PRIM2: variants seen among roughly 807,000 people sequenced by gnomAD.
PRIM2 encodes the protein DNA primase subunit 2, also known as DNA primase large subunit.
Under a neutral mutation model 67.3 loss-of-function variants are expected in PRIM2, and 39 were observed. That is an observed-to-expected ratio of 0.58 (90% confidence interval 0.45 to 0.76). PRIM2 has a LOEUF of 0.76. Ranked by LOEUF, PRIM2 falls within the 30% of genes least tolerant of loss-of-function variation. The probability of loss-of-function intolerance (pLI) is 0.00; values close to 1 mark genes in which losing one functional copy is unlikely to be tolerated. For missense variants in PRIM2, 398 were observed against 598.7 expected (o/e 0.66, Z 3.50); for synonymous variants, 143 against 198.7 (o/e 0.72, Z 2.36).
intron 10 of PRIM2, among the ~76,000 whole-genome samples, 177 bp from the exon 11 acceptor site, chr6:57,600,916 T>A (rs1776451955): frequency 6.6e-6 from 1 of 152,192 alleles, no homozygotes; most frequent in African/African-American, 2.4e-5. Context: ...AAAAAGAAAT[T>A]ATTTGTATCA....
intron 5 of PRIM2, among the ~76,000 whole-genome samples, chr6:57,356,363 ATATTAACTATTATTTATTATTATT>A (rs1769032071): frequency 6.6e-6 from 1 of 152,208 alleles, no homozygotes; most frequent in South Asian, 2.1e-4. Flanking sequence ...TACACAACAA[ATATTAACTATTATTTATTATTATT>A]TGTTACCATT....
the PRIM2 span, among the ~76,000 whole-genome samples, chr6:57,269,898 C>T: frequency 6.6e-6 from 1 of 152,180 alleles, no homozygotes; most frequent in South Asian, 2.1e-4. Flanking sequence ...ATCCTTTCCC[C>T]ATTGCTTGTT....
chr6:57,292,214 A>T, the PRIM2 span, among the ~76,000 whole-genome samples: 2 of 152,186 alleles, frequency 1.3e-5, no homozygotes, highest in Non-Finnish European at 2.9e-5. Context: ...AGACAAACGG[A>T]CAGCTAAATC....
At chr6:57,448,537 A>C (rs570340075) in intron 7 of PRIM2, among the ~76,000 whole-genome samples, 1 of 152,246 alleles carries the variant, frequency 6.6e-6, no homozygotes, top group East Asian at 1.9e-4. Context: ...TTGAGTTTTT[A>C]CATTTTAGGG....
intron 10 of PRIM2, among the ~76,000 whole-genome samples, chr6:57,563,058 C>CCCTATAGG (rs1775669253): frequency 6.6e-6 from 1 of 152,104 alleles, no homozygotes; most frequent in Non-Finnish European, 1.5e-5. Flanking sequence ...AGGACAGAAT[C>CCCTATAGG]TCTTAATGCC....
chr6:57,509,943 C>T (rs1221213164), intron 8 of PRIM2, among the ~76,000 whole-genome samples: 10 of 151,150 alleles, frequency 6.6e-5, no homozygotes, highest in Non-Finnish European at 2.9e-5. Context: ...TTTATATTCT[C>T]CTCATGCTCC....
chr6:57,513,990 A>C (rs1554347975), intron 8 of PRIM2, among the ~76,000 whole-genome samples: 1 of 152,216 alleles, frequency 6.6e-6, no homozygotes, highest in Non-Finnish European at 1.5e-5. Flanking sequence ...GCAAGCTAAA[A>C]CAAGTATTAC....
At chr6:57,571,737 C>A (rs1775866657) in intron 10 of PRIM2, among the ~76,000 whole-genome samples, 1 of 152,178 alleles carries the variant, frequency 6.6e-6, no homozygotes, top group South Asian at 2.1e-4. Context: ...AAGTCAGACT[C>A]ACAAAACCAA....
chr6:57,606,984 C>T (rs1482404386), intron 12 of PRIM2, among the ~76,000 whole-genome samples: 1 of 152,010 alleles, frequency 6.6e-6, no homozygotes, highest in Non-Finnish European at 1.5e-5. Context: ...TCAGATTGTA[C>T]AACCAAATGT....
chr6:57,593,094 A>C (rs1213984968), intron 10 of PRIM2, among the ~76,000 whole-genome samples: 1 of 152,086 alleles, frequency 6.6e-6, no homozygotes, highest in African/African-American at 2.4e-5. Context: ...TGCCTCTGAA[A>C]GTAACTTACT....
At chr6:57,449,878 A>G (rs1471826118) in intron 7 of PRIM2, among the ~76,000 whole-genome samples, 6 of 152,192 alleles carry the variant, frequency 3.9e-5, no homozygotes, top group Non-Finnish European at 7.4e-5. Flanking sequence ...TGGAACTACC[A>G]TTGTGGAGAA....
At chr6:57,448,199 A>G (rs1772426344) in intron 7 of PRIM2, among the ~76,000 whole-genome samples, 1 of 152,250 alleles carries the variant, frequency 6.6e-6, no homozygotes, top group Non-Finnish European at 1.5e-5. Flanking sequence ...CTGACAAGTG[A>G]TTTTAATCAA....
the PRIM2 span, among the ~76,000 whole-genome samples, chr6:57,287,776 GAA>G: frequency 4.6e-4 from 66 of 144,896 alleles, no homozygotes; most frequent in African/African-American, 5.3e-4. Context: ...AAAGTAAAAT[GAA>G]AAAAAAAAAA....
At chr6:57,283,317 CTTG>C in the PRIM2 span, among the ~76,000 whole-genome samples, 1 of 152,160 alleles carries the variant, frequency 6.6e-6, no homozygotes, top group Non-Finnish European at 1.5e-5. Context: ...TACATGCCTT[CTTG>C]TTGACCTCTT....
At chr6:57,437,498 G>A (rs1772049072) in intron 7 of PRIM2, among the ~76,000 whole-genome samples, 1 of 152,108 alleles carries the variant, frequency 6.6e-6, no homozygotes, top group African/African-American at 2.4e-5. Flanking sequence ...TTAGCACAGA[G>A]CTGAGGTGAC....
At position 57,646,643 on chromosome 6, in the gene PRIM2, G is replaced by A. The variant is rs1761301052; in HGVS notation, c.*485G>A. The A allele has an allele frequency of 6.6e-6, 1 of 152,516 alleles. No individual in the cohort carries two copies. The highest frequency in any genetic ancestry group is 2.4e-5 in the African/African-American group (1 of 41,438). 9.4% of individuals were successfully genotyped at this position (152,516 alleles called of 1,614,324 possible). A position where few individuals can be genotyped will look rare whatever the true frequency, so the allele number is the denominator to read the frequency against. ...ACTTTCACTATATTTTGCTTTGACA[G>A]AAGGAAAGAGGAGGAGTTTCTATTA... On this transcript the variant is annotated 3_prime_UTR_variant, in exon 14 of 14. Transcript: ENST00000615550.
At position 57,445,839 on chromosome 6, in the gene PRIM2, A is replaced by G. The variant is rs553987251; in HGVS notation, c.694-61548A>G. On this transcript the variant is annotated intron_variant, in intron 7 of 13. Coordinates refer to ENST00000615550, the MANE Select transcript of PRIM2 (RefSeq NM_000947.5). Reference sequence around the variant, plus strand: ...TGGTTACTATTTTCACAGAAGAGAAACATGAAAATCTGATTACCAAAGGGG... The same window carrying G: ...TGGTTACTATTTTCACAGAAGAGAAGCATGAAAATCTGATTACCAAAGGGG... 2.4e-3 allele frequency among the ~76,000 whole-genome samples: 364 copies of G among 152,326 alleles called. 4 individuals carry two copies. The highest frequency in any genetic ancestry group is 8.4e-3 in the African/African-American group (349 of 41,570).
intron 10 of PRIM2, among the ~76,000 whole-genome samples, chr6:57,557,515 G>C (rs1424209223): frequency 5.9e-5 from 9 of 152,144 alleles, no homozygotes; most frequent in Non-Finnish European, 1.0e-4. Context: ...ACTAATGCAG[G>C]AACAGAAAAT....
At chr6:57,607,305 C>A (rs2127493197) in intron 12 of PRIM2, among the ~76,000 whole-genome samples, 1 of 151,986 alleles carries the variant, frequency 6.6e-6, no homozygotes, top group South Asian at 2.1e-4. Context: ...AAGCAGTGTT[C>A]AAGGTGCCAT....
Sources: allele counts gnomAD v4.1 joint callset (sites outside exome capture counted in the v4.1 genomes callset), GRCh38; gene constraint gnomAD v4.1.1; transcripts MANE v1.5; gene names NCBI Gene and HGNC (gene_info 2026-07-23, HGNC 2026-07-21).